SPAG16: variants seen among roughly 807,000 people sequenced by gnomAD.
The protein encoded by SPAG16 is sperm-associated antigen 16 protein.
SPAG16 carries 86 observed loss-of-function variants against 80.4 expected under a neutral mutation model. The ratio of observed to expected loss-of-function variants is 1.07; its 90% CI spans 0.90 to 1.28. The LOEUF is 1.28. Ranked by LOEUF, SPAG16 falls within the 50% of genes most tolerant of loss-of-function variation. The pLI is 0.00. For missense variants in SPAG16, 870 were observed against 765.3 expected, an observed-to-expected ratio of 1.14 and a Z score of -1.61; for synonymous variants, 294 against 265.9, an observed-to-expected ratio of 1.11 and a Z score of -1.03.
chr2:213,819,941 G>T (rs1217995420), intron 10 of SPAG16, among the ~76,000 whole-genome samples: 15 of 132,120 alleles, frequency 1.1e-4, no homozygotes, highest in African/African-American at 3.5e-4. Context: ...AATTTTTCGT[G>T]TTTTTTTTTT....
chr2:213,388,847 G>A (rs1431310945), intron 9 of SPAG16, among the ~76,000 whole-genome samples: 3 of 152,124 alleles, frequency 2.0e-5, no homozygotes, highest in Non-Finnish European at 4.4e-5. Flanking sequence ...ATAAATAAAT[G>A]TAAACATATC....
At chr2:213,723,098 C>T (rs2066600775) in intron 10 of SPAG16, among the ~76,000 whole-genome samples, 1 of 152,128 alleles carries the variant, frequency 6.6e-6, no homozygotes, top group Admixed American at 6.5e-5. Flanking sequence ...CACTCCTGGC[C>T]TTTCCTCCAG....
chr2:213,504,434 C>A (rs566384248), intron 10 of SPAG16, among the ~76,000 whole-genome samples: 1 of 151,832 alleles, frequency 6.6e-6, no homozygotes, highest in Non-Finnish European at 1.5e-5. Flanking sequence ...GGTTAAAAAC[C>A]TGAAAGTAGA....
intron 10 of SPAG16, among the ~76,000 whole-genome samples, chr2:213,531,106 A>G (rs1432459311): frequency 4.6e-5 from 7 of 151,948 alleles, no homozygotes; most frequent in South Asian, 4.1e-4. Context: ...ATATTTAGCA[A>G]TGTGGGATGA....
At chr2:213,688,926 T>G (rs914437764) in intron 10 of SPAG16, among the ~76,000 whole-genome samples, 1 of 152,320 alleles carries the variant, frequency 6.6e-6, no homozygotes, top group Non-Finnish European at 1.5e-5. Context: ...TTTCCTCTCA[T>G]TTTTTGAACA....
At chr2:213,958,883 C>T (rs1487181857) in intron 12 of SPAG16, among the ~76,000 whole-genome samples, 1 of 152,114 alleles carries the variant, frequency 6.6e-6, no homozygotes. Flanking sequence ...GAGTGACTGT[C>T]CAGCATCTTG....
chr2:214,054,906 C>T (rs1309375744), intron 13 of SPAG16, among the ~76,000 whole-genome samples: 1 of 151,984 alleles, frequency 6.6e-6, no homozygotes, highest in Non-Finnish European at 1.5e-5. Flanking sequence ...ATAATTTGTC[C>T]CAATCTGGAG....
rs941643669 is a variant in SPAG16, at chr2:213,529,507, A to G, written c.1070+39417A>G. On this transcript the variant is annotated intron_variant, in intron 10 of 15. Coordinates refer to ENST00000331683, the MANE Select transcript of SPAG16 (RefSeq NM_024532.5). ...ACACACAGGGGTGCATCACTTAACAAGCTGAGTGTGTTCTGAGAAGTGTGT... is the reference window on the plus strand; with the variant it reads ...ACACACAGGGGTGCATCACTTAACAGGCTGAGTGTGTTCTGAGAAGTGTGT... Among the ~76,000 whole-genome samples the G allele has an allele frequency of 4.6e-5, 7 of 152,214 alleles. No homozygotes were observed. The South Asian group carries it at 1.4e-3, about 31-fold the overall frequency.
chr2:213,295,834 G>A (rs760106941), intron 1 of SPAG16, among the ~76,000 whole-genome samples: 6 of 152,040 alleles, frequency 3.9e-5, no homozygotes, highest in Non-Finnish European at 8.8e-5. Context: ...AGATAGCAAT[G>A]TAGGTTTTCA....
chr2:214,368,012 G>GA (rs1295999140), intron 15 of SPAG16, among the ~76,000 whole-genome samples: 2 of 151,926 alleles, frequency 1.3e-5, no homozygotes, highest in East Asian at 1.9e-4. Flanking sequence ...ATGGTGGTTA[G>GA]AAAAAAATGT....
chr2:213,579,804 C>G (rs1193607143), intron 10 of SPAG16, among the ~76,000 whole-genome samples: 3 of 152,056 alleles, frequency 2.0e-5, no homozygotes, highest in African/African-American at 7.2e-5. Flanking sequence ...CCAATTCTCC[C>G]CTGGTATTCC....
At chr2:213,888,055 C>G (rs1299612174) in intron 11 of SPAG16, among the ~76,000 whole-genome samples, 1 of 151,774 alleles carries the variant, frequency 6.6e-6, no homozygotes, top group Admixed American at 6.6e-5. Context: ...GTATTTCTTT[C>G]AGAAACACAA....
intron 10 of SPAG16, among the ~76,000 whole-genome samples, chr2:213,685,475 C>T (rs1033449398): frequency 6.6e-6 from 1 of 152,234 alleles, no homozygotes; most frequent in Non-Finnish European, 1.5e-5. Flanking sequence ...TCTGCTAACA[C>T]CTTGAGTTTG....
rs562279685 is a variant in SPAG16, at chr2:213,654,569, T to C, written c.1070+164479T>C. The stretch of plus-strand genomic sequence containing the variant: ...AAAAAAAAAAAAAAAAAAAAAAAAT[T>C]AGCCGGGTGTGGTGGTGGGCGCCTG... On this transcript the variant is annotated intron_variant, in intron 10 of 15. Coordinates refer to ENST00000331683, the MANE Select transcript of SPAG16 (RefSeq NM_024532.5). Among the ~76,000 whole-genome samples the C allele has an allele frequency of 1.6e-3, 181 of 116,070 alleles. 1 individual carries two copies. The highest frequency in any genetic ancestry group is 5.4e-3 in the African/African-American group (173 of 31,938). 76.1% of individuals were successfully genotyped at this position (116,070 alleles called of 152,430 possible). A position where few individuals can be genotyped will look rare whatever the true frequency, so the allele number is the denominator to read the frequency against.
intron 15 of SPAG16, among the ~76,000 whole-genome samples, chr2:214,223,381 G>T (rs1453110700): frequency 1.3e-5 from 2 of 151,914 alleles, no homozygotes; most frequent in Non-Finnish European, 2.9e-5. Flanking sequence ...ACAGTAGTAG[G>T]TTCACTTCGA....
chr2:213,415,009 G>GTAGTGATTC (rs2069171924), intron 9 of SPAG16, among the ~76,000 whole-genome samples: 1 of 152,228 alleles, frequency 6.6e-6, no homozygotes. Context: ...ACTACCAGAA[G>GTAGTGATTC]AACAATATGG....
intron 10 of SPAG16, among the ~76,000 whole-genome samples, chr2:213,704,301 A>G (rs1366401220): frequency 6.6e-6 from 1 of 152,196 alleles, no homozygotes; most frequent in African/African-American, 2.4e-5. Flanking sequence ...TAATAGCCAA[A>G]GTTTATTAAG....
In SPAG16 at chr2:213,408,121, A is replaced by AAC. The variant is rs1455580052; in HGVS notation, c.942+33003_942+33004insCA. On this transcript the variant is annotated intron_variant, in intron 9 of 15. Coordinates refer to ENST00000331683, the MANE Select transcript of SPAG16 (RefSeq NM_024532.5). ...TAGTAAAAAAACAAAAACAAAGAAA[A>AAC]AAAAACAAAAAAACCAGTGTACCCT... 7.6e-4 allele frequency among the ~76,000 whole-genome samples: 103 copies of AAC among 136,214 alleles called. 1 individual carries two copies. Among genetic ancestry groups the AAC allele is most frequent in the African/African-American group, 2.9e-3 (102 of 35,600 alleles). 89.4% of individuals were successfully genotyped at this position (136,214 alleles called of 152,430 possible). A position where few individuals can be genotyped will look rare whatever the true frequency, so the allele number is the denominator to read the frequency against.
At chr2:213,354,697 A>G (rs891277691) in intron 7 of SPAG16, among the ~76,000 whole-genome samples, 3 of 151,352 alleles carry the variant, frequency 2.0e-5, no homozygotes, top group Admixed American at 6.6e-5. Context: ...TTTGAGAAGT[A>G]TCTGTTCATA....
Sources: gnomAD v4.1 joint callset for allele counts (sites outside exome capture counted in the v4.1 genomes callset) on GRCh38, gnomAD v4.1.1 for gene constraint, MANE v1.5 for transcripts, NCBI Gene and HGNC (gene_info 2026-07-23, HGNC 2026-07-21) for gene names.